CRB1: variants seen among roughly 807,000 people sequenced by gnomAD.
The protein encoded by CRB1 is protein crumbs homolog 1.
A neutral mutation model predicts 120.0 loss-of-function variants in CRB1; 83 were observed. The ratio of observed to expected loss-of-function variants is 0.69; its 90% CI spans 0.58 to 0.83. The LOEUF (loss-of-function observed/expected upper bound fraction) is 0.83, where lower values mean the gene tolerates loss of function less well. CRB1 is among the 40% of genes least tolerant of loss of function. CRB1 has a pLI of 0.00. For missense variants in CRB1, 1,699 were observed against 1,687.6 expected (o/e 1.01, Z -0.12); for synonymous variants, 625 against 612.5 (o/e 1.02, Z -0.30).
chr1:197,245,514 CA>C, the CRB1 span, among the ~76,000 whole-genome samples: 1 of 151,790 alleles, frequency 6.6e-6, no homozygotes, highest in African/African-American at 2.4e-5. Context: ...TCTCTTAAAA[CA>C]AAAAAGACAG....
chr1:197,463,164 T>A (rs1666605449), intron 11 of CRB1, among the ~76,000 whole-genome samples: 1 of 152,176 alleles, frequency 6.6e-6, no homozygotes, highest in Admixed American at 6.6e-5. Flanking sequence ...GTTAAAAGCA[T>A]AGGACTGAAA....
chr1:197,346,571 A>G (rs1157774497), intron 3 of CRB1, among the ~76,000 whole-genome samples: 2 of 152,212 alleles, frequency 1.3e-5, no homozygotes, highest in Non-Finnish European at 2.9e-5. Context: ...CTGCCTTATA[A>G]ATTCATAGAT....
At chr1:197,347,743 C>A (rs1339310222) in intron 4 of CRB1, among the ~76,000 whole-genome samples, 1 of 152,176 alleles carries the variant, frequency 6.6e-6, no homozygotes, top group African/African-American at 2.4e-5. Context: ...TGAAATTCAG[C>A]ATGATCTTCA....
intron 2 of CRB1, among the ~76,000 whole-genome samples, 190 bp downstream of exon 2, chr1:197,329,193 G>T (rs1485604416): frequency 6.6e-6 from 1 of 152,210 alleles, no homozygotes; most frequent in Non-Finnish European, 1.5e-5. Context: ...CTAAGTGGTT[G>T]CCTGCTGTCA....
At chr1:197,453,900 A>G (rs1666135997) in intron 11 of CRB1, among the ~76,000 whole-genome samples, 1 of 122,990 alleles carries the variant, frequency 8.1e-6, no homozygotes, top group Admixed American at 8.2e-5. Flanking sequence ...ATATTATTAT[A>G]TTATTAATAT....
intron 5 of CRB1, among the ~76,000 whole-genome samples, chr1:197,402,891 T>C (rs1663140581): frequency 1.3e-5 from 2 of 152,236 alleles, no homozygotes; most frequent in South Asian, 4.1e-4. Context: ...AATAGCACTA[T>C]TGCAATGCTA....
intron 5 of CRB1, among the ~76,000 whole-genome samples, chr1:197,362,742 C>T (rs1660839952): frequency 6.6e-6 from 1 of 152,052 alleles, no homozygotes; most frequent in Non-Finnish European, 1.5e-5. Context: ...CCTTATATTT[C>T]CAACCCACTT....
intron 3 of CRB1, among the ~76,000 whole-genome samples, chr1:197,345,171 T>C (rs1049911837): frequency 2.0e-5 from 3 of 152,228 alleles, no homozygotes; most frequent in African/African-American, 7.2e-5. Flanking sequence ...CTTTCTAATC[T>C]TTATTTAAGC....
rs138089138 is a variant in CRB1 at position 197,438,621 on chromosome 1, C to G, written c.3824C>G (p.Thr1275Arg). ...ACTTGCTACAATGGAGGCAACTGCA[C>G]AGAGTTCCAGACTGAATTAAAATGT... ...NLTCYNGGNC[T>R]EFQTELKCMC... Residue 1275 changes from threonine to arginine, a missense_variant, in exon 10 of 12, where the codon ACA (threonine) becomes AGA (arginine). By Grantham distance (71) the Thr-to-Arg change is moderately conservative (BLOSUM62 -1). Transcript: ENST00000367400. 70 of 1,612,964 alleles carry G rather than the reference C, an allele frequency of 4.3e-5. No homozygotes were observed. In the East Asian group the frequency reaches 1.4e-3, roughly 32 times the overall value.
intron 2 of CRB1, among the ~76,000 whole-genome samples, chr1:197,330,185 C>T (rs1615444): frequency 0.62 from 94,032 of 151,970 alleles, 30,540 homozygotes; most frequent in East Asian, 0.92. Context: ...TTACATACAA[C>T]CAGTCTTCAG....
At chr1:197,252,613 T>TGTGA in the CRB1 span, among the ~76,000 whole-genome samples, 6 of 111,158 alleles carry the variant, frequency 5.4e-5, no homozygotes, top group East Asian at 2.9e-4. Context: ...TGTGTGTGTG[T>TGTGA]GATATATATA....
At chr1:197,452,406 G>A (rs1413791902) in intron 11 of CRB1, among the ~76,000 whole-genome samples, 1 of 152,182 alleles carries the variant, frequency 6.6e-6, no homozygotes, top group Non-Finnish European at 1.5e-5. Context: ...AAAGAAATAT[G>A]ATGACGAATA....
chr1:197,210,002 C>A, the CRB1 span, among the ~76,000 whole-genome samples: 1 of 152,188 alleles, frequency 6.6e-6, no homozygotes, highest in South Asian at 2.1e-4. Context: ...CTGGTATGTT[C>A]CTATGGTAGT....
rs146909770 is a variant in CRB1 at position 197,345,433 on chromosome 1, A to G, written c.848+957A>G. On this transcript the variant is annotated intron_variant, in intron 3 of 11. Coordinates refer to ENST00000367400, the MANE Select transcript of CRB1 (RefSeq NM_201253.3). ...CATAATTTATGCCAAATCTAATTTC[A>G]AAGTGAATCAGAGTCAAAAGGAGAG... is the stretch of plus-strand genomic sequence containing the variant. Among the ~76,000 whole-genome samples the G allele has an allele frequency of 1.1e-4, 16 of 152,154 alleles. No homozygotes were observed. In the East Asian group the frequency reaches 1.4e-3, roughly 13 times the overall value.
intron 5 of CRB1, among the ~76,000 whole-genome samples, chr1:197,405,313 A>T (rs1441598744): frequency 6.6e-6 from 1 of 152,062 alleles, no homozygotes; most frequent in Admixed American, 6.5e-5. Context: ...CCTAACCGCG[A>T]GTGATCCGCC....
chr1:197,238,266 CAT>C, the CRB1 span, among the ~76,000 whole-genome samples: 62 of 152,108 alleles, frequency 4.1e-4, no homozygotes, highest in South Asian at 0.012. Context: ...AATGTGGAAA[CAT>C]AGAAACAAAT....
chr1:197,221,213 AG>A, the CRB1 span, among the ~76,000 whole-genome samples: 1,074 of 152,350 alleles, frequency 7.0e-3, 16 homozygotes, highest in African/African-American at 0.022. Flanking sequence ...AACTTCTAGC[AG>A]AAATGACAGT....
the CRB1 span, chr1:197,222,972 A>C: frequency 1.8e-5 from 15 of 825,786 alleles, no homozygotes; most frequent in African/African-American, 2.5e-4. Context: ...TACAATCTTT[A>C]CAGTGGGAAT....
chr1:197,353,296 GC>G (rs1430596100), intron 4 of CRB1, among the ~76,000 whole-genome samples: 1 of 152,170 alleles, frequency 6.6e-6, no homozygotes, highest in African/African-American at 2.4e-5. Flanking sequence ...CATCACGAAG[GC>G]TGTGGGAATG....
Sources: allele counts gnomAD v4.1 joint callset (sites outside exome capture counted in the v4.1 genomes callset), GRCh38; gene constraint gnomAD v4.1.1; transcripts MANE v1.5; gene names NCBI Gene and HGNC (gene_info 2026-07-23, HGNC 2026-07-21).